The following ZMIZ1 variants were observed in gnomAD, a reference collection of about 807,000 sequenced individuals.
ZMIZ1 encodes the protein zinc finger MIZ domain-containing protein 1.
In ZMIZ1, 17 loss-of-function variants were observed where a neutral mutation model predicts 113.9. The observed-to-expected ratio is 0.15, with a 90% CI of 0.10 to 0.22. The LOEUF is 0.22. Ranked by LOEUF, ZMIZ1 falls within the 10% of genes least tolerant of loss-of-function variation. ZMIZ1 has a pLI of 1.00. For missense variants in ZMIZ1, 1,059 were observed against 1,477.8 expected, an observed-to-expected ratio of 0.72 and a Z score of 4.65; for synonymous variants, 607 against 603.1, an observed-to-expected ratio of 1.01 and a Z score of -0.09.
At chr10:79,236,610 A>T (rs911370306) in intron 7 of ZMIZ1, among the ~76,000 whole-genome samples, 1 of 152,100 alleles carries the variant, frequency 6.6e-6, no homozygotes, top group East Asian at 1.9e-4. Flanking sequence ...CCCTTTGTTA[A>T]CCAGCCTGAG....
intron 7 of ZMIZ1, among the ~76,000 whole-genome samples, chr10:79,220,712 C>A (rs1848930231): frequency 6.6e-6 from 1 of 152,192 alleles, no homozygotes; most frequent in South Asian, 2.1e-4. Context: ...TCTCTGCCTT[C>A]CTGGGTTTCT....
chr10:79,198,455 C>T (rs554221353), intron 4 of ZMIZ1, among the ~76,000 whole-genome samples: 6 of 152,018 alleles, frequency 3.9e-5, no homozygotes, highest in East Asian at 3.9e-4. Flanking sequence ...GCAGGTATTT[C>T]GATAGATAAA....
chr10:79,311,041 CCTCCTT>C lies in ZMIZ1; in HGVS notation c.2955_2960del (p.Pro986_Ser987del). ...ACATCACAGTGGGGCTCCTCCTCCT[CCTCCTT>C]CCCAGCCTCCCCGGCAGCCGCCACA... On this transcript the variant is annotated inframe_deletion, in exon 24 of 25. Transcript: ENST00000334512. The C allele has an allele frequency of 6.2e-7, 1 of 1,613,734 alleles. No homozygotes were observed. The highest frequency in any genetic ancestry group is 1.7e-5 in the Admixed American group (1 of 60,024).
intron 10 of ZMIZ1, 36 bp downstream of exon 10, chr10:79,291,212 G>A (rs767540114): frequency 2.6e-5 from 41 of 1,558,280 alleles, no homozygotes; most frequent in East Asian, 1.4e-4. Flanking sequence ...AGCCATGGAC[G>A]CCACCCCTCT....
At chr10:79,148,751 G>A (rs951418797) in intron 3 of ZMIZ1, among the ~76,000 whole-genome samples, 8 of 152,200 alleles carry the variant, frequency 5.3e-5, no homozygotes, top group African/African-American at 1.4e-4. Context: ...TACTACTGCC[G>A]TCTTGTAGTT....
chr10:79,113,170 G>C (rs928730948), intron 1 of ZMIZ1, among the ~76,000 whole-genome samples: 1 of 152,218 alleles, frequency 6.6e-6, no homozygotes, highest in Non-Finnish European at 1.5e-5. Flanking sequence ...CCCATGCAGC[G>C]AGGCTGGGTG....
At chr10:79,268,105 G>A (rs558161659) in intron 7 of ZMIZ1, among the ~76,000 whole-genome samples, 26 of 152,352 alleles carry the variant, frequency 1.7e-4, no homozygotes, top group African/African-American at 6.3e-4. Context: ...AGAAGGAGCA[G>A]CACTATCTCC....
chr10:79,243,509 C>T (rs1417879990), intron 7 of ZMIZ1, among the ~76,000 whole-genome samples: 1 of 147,296 alleles, frequency 6.8e-6, no homozygotes, highest in African/African-American at 2.4e-5. Context: ...AGCCGGAGCG[C>T]CCTCGGAGCG....
chr10:79,277,314 T>C lies in ZMIZ1; in HGVS notation c.414T>C (p.Thr138=). The change falls in exon 8 of 25, where the codon ACT becomes ACC. Residue 138 remains threonine, a synonymous_variant. Transcript: ENST00000334512. ...PLSSMSSMKP[T]LSHSDGSFPY... is the part of the protein sequence containing the mutation. ...GCTCCATGAGCTCCATGAAACCCAC[T>C]CTGTCGCACAGGTAAGTGGGTGGGT... 1 of 1,596,006 alleles carries C rather than the reference T, an allele frequency of 6.3e-7. No homozygotes were observed. Among genetic ancestry groups the C allele is most frequent in the South Asian group, 1.1e-5 (1 of 88,464 alleles).
chr10:79,108,908 C>T (rs1197687534), intron 1 of ZMIZ1, among the ~76,000 whole-genome samples: 1 of 152,088 alleles, frequency 6.6e-6, no homozygotes, highest in African/African-American at 2.4e-5. Context: ...TGCATGTGCA[C>T]ATGCATGCAC....
intron 3 of ZMIZ1, among the ~76,000 whole-genome samples, chr10:79,140,768 G>C (rs1287519319): frequency 6.6e-6 from 1 of 152,070 alleles, no homozygotes; most frequent in Non-Finnish European, 1.5e-5. Flanking sequence ...CCGCATTAAG[G>C]GCTGGGGTTT....
chr10:79,081,156 G>A (rs1165133243), intron 1 of ZMIZ1, among the ~76,000 whole-genome samples: 1 of 151,138 alleles, frequency 6.6e-6, no homozygotes, highest in Admixed American at 6.6e-5. Flanking sequence ...CTCTCCCCTA[G>A]TTCTCTTCTC....
intron 12 of ZMIZ1, chr10:79,294,940 AG>A (rs1338763104): frequency 2.7e-5 from 2 of 74,104 alleles, no homozygotes; most frequent in East Asian, 3.9e-4. Flanking sequence ...GAGGGGAGAG[AG>A]AGGGGGGGGG....
intron 12 of ZMIZ1, chr10:79,293,867 G>T: frequency 1.4e-6 from 1 of 707,418 alleles, no homozygotes. Flanking sequence ...TGCCTCCTAG[G>T]GCTGCTTGAG....
intron 1 of ZMIZ1, among the ~76,000 whole-genome samples, chr10:79,097,178 G>T (rs552002084): frequency 1.2e-4 from 19 of 152,308 alleles, no homozygotes; most frequent in African/African-American, 4.6e-4. Context: ...CTGCTGGGGG[G>T]TCCCACATGG....
chr10:79,098,937 GTGCAGACGTCTGCATTGGCCCC>G (rs1843262314), intron 1 of ZMIZ1, among the ~76,000 whole-genome samples: 1 of 152,244 alleles, frequency 6.6e-6, no homozygotes, highest in African/African-American at 2.4e-5. Flanking sequence ...CTTGACTGTG[GTGCAGACGTCTGCATTGGCCCC>G]TGGAGGCTGG....
intron 3 of ZMIZ1, among the ~76,000 whole-genome samples, chr10:79,156,195 T>C (rs868357105): frequency 1.6e-4 from 24 of 152,314 alleles, no homozygotes; most frequent in Middle Eastern, 3.4e-3. Context: ...AGTCACTTTA[T>C]AGCCCCATTT....
At chr10:79,308,728 T>G (rs1358860217) in intron 23 of ZMIZ1, among the ~76,000 whole-genome samples, 1 of 152,064 alleles carries the variant, frequency 6.6e-6, no homozygotes, top group Non-Finnish European at 1.5e-5. Flanking sequence ...TCTGGGGGCT[T>G]CTTTCCTGAT....
intron 2 of ZMIZ1, among the ~76,000 whole-genome samples, chr10:79,131,163 G>T (rs888404423): frequency 1.3e-5 from 2 of 152,178 alleles, no homozygotes; most frequent in South Asian, 4.1e-4. Context: ...ATAAGAATTT[G>T]TTGGGTTGAA....
Sources: allele counts gnomAD v4.1 joint callset (sites outside exome capture counted in the v4.1 genomes callset), GRCh38; gene constraint gnomAD v4.1.1; transcripts MANE v1.5; gene names NCBI Gene and HGNC (gene_info 2026-07-23, HGNC 2026-07-21).